Variants in SEL1L observed in about 807,000 individuals in gnomAD.
SEL1L encodes protein sel-1 homolog 1.
Under a neutral mutation model 109.8 loss-of-function variants are expected in SEL1L, and 52 were observed. That is an observed-to-expected ratio of 0.47 (90% CI 0.38 to 0.60). The LOEUF (loss-of-function observed/expected upper bound fraction) is 0.60, where lower values mean the gene tolerates loss of function less well. Among genes scored for constraint, SEL1L ranks in the 20% least tolerant of loss-of-function variants. SEL1L has a pLI of 0.00. For missense variants in SEL1L, 749 were observed against 962.2 expected (o/e 0.78, Z 2.93); for synonymous variants, 373 against 339.6 (o/e 1.10, Z -1.08).
At chr14:81,527,866 T>A in intron 1 of SEL1L, 128 bp from the exon 2 acceptor site, 1 of 601,712 alleles carries the variant, frequency 1.7e-6, no homozygotes, top group Non-Finnish European at 2.8e-6. Flanking sequence ...AGAATTATTT[T>A]AAAGTTAGCT....
At position 81,533,836 on chromosome 14, in the gene SEL1L, T is replaced by C. The variant is rs750414553; in HGVS notation, c.-92A>G. On this transcript the variant is annotated 5_prime_UTR_variant, in exon 1 of 21. Transcript: ENST00000336735. ...CACCACCGCCGCCTCGCCGCTGCTC[T>C]TCCTGCTCTAGTCTCCTTCCTCCGC... The C allele has an allele frequency of 4.6e-6, 6 of 1,299,254 alleles. No individual in the cohort carries two copies. Among genetic ancestry groups the C allele is most frequent in the East Asian group, 2.4e-5 (1 of 41,092 alleles). 80.5% of individuals were successfully genotyped at this position (1,299,254 alleles called of 1,614,324 possible).
rs770241306 is a variant in SEL1L at position 81,511,899 on chromosome 14, C to T, written c.341-5658G>A. On this transcript the variant is annotated intron_variant, in intron 3 of 20. Coordinates refer to ENST00000336735, the MANE Select transcript of SEL1L (RefSeq NM_005065.6). ...CAGAGACAAACAGTAAGAAAGTATA[C>T]AAAATTAAAGAAAAATGACAGTTAT... Among the ~76,000 whole-genome samples, 122 of 152,224 alleles carry T rather than the reference C, an allele frequency of 8.0e-4. 1 individual carries two copies. The highest frequency in any genetic ancestry group is 2.0e-4 in the Admixed American group (3 of 15,306).
At chr14:81,484,129 A>G in intron 19 of SEL1L, 96 bp downstream of exon 19, 1 of 1,314,054 alleles carries the variant, frequency 7.6e-7, no homozygotes, top group South Asian at 1.4e-5. Flanking sequence ...CCTGAAATCC[A>G]ACTGAATGTC....
chr14:81,484,777 A>G (rs1903468210), intron 18 of SEL1L, among the ~76,000 whole-genome samples: 2 of 152,268 alleles, frequency 1.3e-5, no homozygotes, highest in Admixed American at 1.3e-4. Context: ...ATGCTCAAAC[A>G]ATACGTATGT....
chr14:81,531,107 A>C (rs1595541461), intron 1 of SEL1L, among the ~76,000 whole-genome samples: 1 of 152,190 alleles, frequency 6.6e-6, no homozygotes, highest in East Asian at 1.9e-4. Flanking sequence ...TATTGTAAAC[A>C]CTGTACACTT....
intron 12 of SEL1L, among the ~76,000 whole-genome samples, 199 bp from the exon 13 acceptor site, chr14:81,490,664 G>A (rs576034605): frequency 1.3e-5 from 2 of 152,358 alleles, no homozygotes; most frequent in South Asian, 4.1e-4. Flanking sequence ...ACTTTGGGAG[G>A]CCAAGGTGGG....
chr14:81,527,855 T>A (rs952398591), intron 1 of SEL1L, 117 bp from the exon 2 acceptor site: 1 of 643,280 alleles, frequency 1.6e-6, no homozygotes, highest in Non-Finnish European at 2.6e-6. Context: ...TAAATAAACA[T>A]AGAATTATTT....
At chr14:81,525,096 C>T (rs953973409) in intron 3 of SEL1L, among the ~76,000 whole-genome samples, 3 of 151,932 alleles carry the variant, frequency 2.0e-5, no homozygotes, top group Admixed American at 1.3e-4. Flanking sequence ...GATGTAAAAG[C>T]ACATGCGGAA....
At chr14:81,497,733 G>GT (rs879570410) in intron 10 of SEL1L, among the ~76,000 whole-genome samples, 159 bp downstream of exon 10, 4,437 of 145,986 alleles carry the variant, frequency 0.03, 162 homozygotes, top group African/African-American at 0.09. Context: ...GAGACTCTTG[G>GT]TTTTTTTTTT....
chr14:81,483,149 G>A (rs1199358168), intron 19 of SEL1L, among the ~76,000 whole-genome samples: 1 of 152,306 alleles, frequency 6.6e-6, no homozygotes, highest in Admixed American at 6.5e-5. Context: ...CCATGCTATA[G>A]TGAAATTCTT....
At chr14:81,483,451 A>T (rs1176872282) in intron 19 of SEL1L, among the ~76,000 whole-genome samples, 1 of 152,192 alleles carries the variant, frequency 6.6e-6, no homozygotes, top group African/African-American at 2.4e-5. Context: ...GGTAAGTATG[A>T]TACAGTAATC....
chr14:81,528,740 G>GT (rs1452712486), intron 1 of SEL1L, among the ~76,000 whole-genome samples: 1 of 152,094 alleles, frequency 6.6e-6, no homozygotes, highest in Non-Finnish European at 1.5e-5. Flanking sequence ...ACAAAACCCT[G>GT]TAAGACCATG....
intron 1 of SEL1L, among the ~76,000 whole-genome samples, chr14:81,529,585 G>A (rs1443092116): frequency 2.0e-5 from 3 of 152,156 alleles, no homozygotes; most frequent in African/African-American, 7.2e-5. Flanking sequence ...GTAGCAAAAC[G>A]TGTTTTCAAA....
intron 10 of SEL1L, among the ~76,000 whole-genome samples, chr14:81,497,235 C>A (rs1477344107): frequency 1.3e-5 from 2 of 151,964 alleles, no homozygotes; most frequent in African/African-American, 4.8e-5. Flanking sequence ...GTCTTAAAAC[C>A]AACTGTTCTT....
chr14:81,511,592 A>G (rs1185492183), intron 3 of SEL1L, among the ~76,000 whole-genome samples: 1 of 152,242 alleles, frequency 6.6e-6, no homozygotes, highest in Non-Finnish European at 1.5e-5. Context: ...ATAACAAAAA[A>G]AGCCTTTTCA....
In SEL1L at chr14:81,510,514, C is replaced by CTCTATATATA. The variant is rs35474067; in HGVS notation, c.341-4274_341-4273insTATATATAGA. Among the ~76,000 whole-genome samples the CTCTATATATA allele has an allele frequency of 3.9e-3, 409 of 104,034 alleles. 4 individuals are homozygous for CTCTATATATA. The highest frequency in any genetic ancestry group is 0.013 in the South Asian group (35 of 2,644). The allele number at this position is 104,034 out of a possible 152,430, so 68.3% of individuals were successfully genotyped here. A position where few individuals can be genotyped will look rare whatever the true frequency, so the allele number is the denominator to read the frequency against. On this transcript the variant is annotated intron_variant, in intron 3 of 20. Transcript: ENST00000336735. ...TCTCTCTCTCTCTCTCTCTCTCTCT[C>CTCTATATATA]TATATATATATATATAGACAATTAA...
chr14:81,533,544 G>T, intron 1 of SEL1L, 131 bp downstream of exon 1: 3 of 826,128 alleles, frequency 3.6e-6, no homozygotes, highest in Non-Finnish European at 5.8e-6. Flanking sequence ...GCCAAAGAGC[G>T]AGTGACAGCC....
At position 81,479,596 on chromosome 14, in the gene SEL1L, G is replaced by C. The variant is rs1361487648; in HGVS notation, c.2175+16C>G. 1 of 1,594,578 alleles carries C rather than the reference G, an allele frequency of 6.3e-7. No individual in the cohort carries two copies. The highest frequency in any genetic ancestry group is 1.4e-5 in the African/African-American group (1 of 73,644). ...CATCATTTATATTTTAATGAAAAGA[G>C]GTACGGACCACTTACGTTTGTTTCC... On this transcript the variant is annotated intron_variant, in intron 20 of 20. Coordinates refer to ENST00000336735, the MANE Select transcript of SEL1L (RefSeq NM_005065.6).
At chr14:81,506,564 G>A (rs75829988) in intron 3 of SEL1L, among the ~76,000 whole-genome samples, 25 of 152,282 alleles carry the variant, frequency 1.6e-4, no homozygotes, top group African/African-American at 5.3e-4. Context: ...AAATGCAAGT[G>A]AATCAATTCT....
Sources: gnomAD v4.1 joint callset for allele counts (sites outside exome capture counted in the v4.1 genomes callset) on GRCh38, gnomAD v4.1.1 for gene constraint, MANE v1.5 for transcripts, NCBI Gene and HGNC (gene_info 2026-07-23, HGNC 2026-07-21) for gene names.